Variants in LHPP observed in about 807,000 individuals in gnomAD.
LHPP encodes hLHPP.
A neutral mutation model predicts 30.3 loss-of-function variants in LHPP; 24 were observed. That is an observed-to-expected ratio of 0.79 (90% CI 0.57 to 1.11). The LOEUF is 1.11. LHPP is among the 50% of genes most tolerant of loss of function. The probability of loss-of-function intolerance (pLI) is 0.00; values close to 1 mark genes in which losing one functional copy is unlikely to be tolerated. For missense variants in LHPP, 356 were observed against 367.2 expected (o/e 0.97, Z 0.25); for synonymous variants, 150 against 157.1 (o/e 0.95, Z 0.34).
chr10:124,530,490 C>T (rs1954869499), intron 6 of LHPP, among the ~76,000 whole-genome samples: 1 of 151,930 alleles, frequency 6.6e-6, no homozygotes, highest in Admixed American at 6.5e-5. Flanking sequence ...GGCCACACAT[C>T]CACAGGTGCC....
In LHPP at chr10:124,613,455, G is replaced by A; in HGVS notation, c.*95G>A. 1.3e-6 allele frequency: 1 copy of A among 799,842 alleles called. No individual in the cohort carries two copies. The highest frequency in any genetic ancestry group is 2.0e-6 in the Non-Finnish European group (1 of 500,302). The allele number at this position is 799,842 out of a possible 1,614,324, so 49.5% of individuals were successfully genotyped here. A position where few individuals can be genotyped will look rare whatever the true frequency, so the allele number is the denominator to read the frequency against. ...GCCTCTCCTCCACCCGCCCAGGAGA[G>A]CCCCACCTCCTCCACCCCTGCCTCT... On this transcript the variant is annotated 3_prime_UTR_variant, in exon 7 of 7. Transcript: ENST00000368842.
rs1157083047 is a variant in LHPP, at chr10:124,576,026, G to GT, written c.717-37238_717-37237insT. Reference sequence around the variant, plus strand: ...ATACATACTAATCAGTGCTTCATGAGAAAGGTATGAGCCGAAAGAAATGGG... The same window carrying GT: ...ATACATACTAATCAGTGCTTCATGAGTAAAGGTATGAGCCGAAAGAAATGGG... On this transcript the variant is annotated intron_variant, in intron 6 of 6. Coordinates refer to ENST00000368842, the MANE Select transcript of LHPP (RefSeq NM_022126.4). This position sits in a 1 kb window ranked among gnomAD's most constrained non-coding sequence, Gnocchi z 4.2. Among the ~76,000 whole-genome samples, 1 of 152,162 alleles carries GT rather than the reference G, an allele frequency of 6.6e-6. No homozygotes were observed. The highest frequency in any genetic ancestry group is 1.5e-5 in the Non-Finnish European group (1 of 68,022).
At chr10:124,493,131 A>AC (rs1953583338) in intron 3 of LHPP, among the ~76,000 whole-genome samples, 5 of 151,208 alleles carry the variant, frequency 3.3e-5, no homozygotes, top group East Asian at 2.0e-4. Flanking sequence ...AAAAAAAAAA[A>AC]CCGGAAGCAG....
intron 1 of LHPP, among the ~76,000 whole-genome samples, chr10:124,466,115 CTG>C: frequency 6.6e-6 from 1 of 152,276 alleles, no homozygotes; most frequent in Non-Finnish European, 1.5e-5. Flanking sequence ...TAGCAAAAGA[CTG>C]GAAGCAGCTC....
At chr10:124,519,032 C>A (rs1330545405) in intron 6 of LHPP, among the ~76,000 whole-genome samples, 1 of 152,170 alleles carries the variant, frequency 6.6e-6, no homozygotes, top group Non-Finnish European at 1.5e-5. Flanking sequence ...ACTGCAACCT[C>A]CGCCTCCCAG....
Position 124,497,007 on chromosome 10 carries a change from T to A in LHPP, c.514T>A (p.Tyr172Asn). 6.2e-7 allele frequency: 1 copy of A among 1,614,036 alleles called. No homozygotes were observed. Among genetic ancestry groups the A allele is most frequent in the Non-Finnish European group, 8.5e-7 (1 of 1,179,900 alleles). The change falls in exon 4 of 7, where the codon TAC (tyrosine) becomes AAC (asparagine). Residue 172 changes from tyrosine (Y) to asparagine (N), a missense_variant. Coordinates refer to ENST00000368842, the MANE Select transcript of LHPP (RefSeq NM_022126.4). Reference sequence around the variant, plus strand: ...TGGCCTGATGCTGGACGTTGGTCCCTACATGAAGGCGCTTGAGGTACCAGC... The same window carrying A: ...TGGCCTGATGCTGGACGTTGGTCCCAACATGAAGGCGCTTGAGGTACCAGC... ...TSGLMLDVGPYMKALEYACGI... is the reference protein window; with the variant it reads ...TSGLMLDVGPNMKALEYACGI...
At chr10:124,545,453 A>T (rs1341986222) in intron 6 of LHPP, among the ~76,000 whole-genome samples, 1 of 152,182 alleles carries the variant, frequency 6.6e-6, no homozygotes, top group Non-Finnish European at 1.5e-5. Flanking sequence ...ACGGCAGCCC[A>T]TGCACCCAGG....
chr10:124,606,918 C>G (rs1490687951), intron 6 of LHPP, among the ~76,000 whole-genome samples: 3 of 152,254 alleles, frequency 2.0e-5, no homozygotes, highest in Non-Finnish European at 2.9e-5. Flanking sequence ...TGTCCCCTCC[C>G]TCCATGTGTC....
At chr10:124,612,903 C>T (rs1419110492) in intron 6 of LHPP, 2 of 280,078 alleles carry the variant, frequency 7.1e-6, no homozygotes, top group Non-Finnish European at 6.9e-6. Context: ...GTGGGGTGAG[C>T]CCCTGGGGAG....
At chr10:124,555,870 T>G (rs1472185445) in intron 6 of LHPP, among the ~76,000 whole-genome samples, 1 of 152,216 alleles carries the variant, frequency 6.6e-6, no homozygotes, top group Admixed American at 6.5e-5. Flanking sequence ...GTTACCTTGC[T>G]GAACCTGCAC....
chr10:124,567,935 A>G (rs1948518920), intron 6 of LHPP, among the ~76,000 whole-genome samples: 1 of 152,176 alleles, frequency 6.6e-6, no homozygotes, highest in Non-Finnish European at 1.5e-5. Flanking sequence ...CCTTTTTAAG[A>G]TGGAGTCTCG....
intron 6 of LHPP, among the ~76,000 whole-genome samples, chr10:124,578,747 C>G (rs1340579594): frequency 6.6e-6 from 1 of 152,240 alleles, no homozygotes; most frequent in Non-Finnish European, 1.5e-5. Flanking sequence ...TGAGCAGCAT[C>G]TCTGCCCTCC....
In LHPP at chr10:124,588,298, C is replaced by CTTTTTTTTTTTTTTTTTT. The variant is rs55633265; in HGVS notation, c.717-24955_717-24954insTTTTTTTTTTTTTTTTTT. ...ACTTATGCTTTTACTTTTTTCTCTT[C>CTTTTTTTTTTTTTTTTTT]TTTTTTTTTTTAAGACTGAGTCTTG... On this transcript the variant is annotated intron_variant, in intron 6 of 6. Coordinates refer to ENST00000368842, the MANE Select transcript of LHPP (RefSeq NM_022126.4). Among the ~76,000 whole-genome samples the CTTTTTTTTTTTTTTTTTT allele has an allele frequency of 1.4e-4, 20 of 146,976 alleles. 1 individual carries two copies. Among genetic ancestry groups the CTTTTTTTTTTTTTTTTTT allele is most frequent in the African/African-American group, 4.9e-4 (19 of 39,094 alleles).
At chr10:124,462,060 G>C in intron 1 of LHPP, 73 bp downstream of exon 1, 1 of 1,164,336 alleles carries the variant, frequency 8.6e-7, no homozygotes, top group Non-Finnish European at 1.1e-6. Context: ...GCCGGCAGGG[G>C]GCGGGGCGGC....
intron 1 of LHPP, among the ~76,000 whole-genome samples, chr10:124,467,519 C>CTTTTT (rs112628606): frequency 7.3e-6 from 1 of 136,646 alleles, no homozygotes; most frequent in Admixed American, 7.4e-5. Context: ...TTTTCTTTTT[C>CTTTTT]TTTTTTTTTT....
chr10:124,602,908 C>A (rs575378195), intron 6 of LHPP, among the ~76,000 whole-genome samples: 10 of 152,336 alleles, frequency 6.6e-5, no homozygotes, highest in African/African-American at 1.4e-4. Context: ...CATGTGCACA[C>A]AGGGAAGATG....
intron 6 of LHPP, among the ~76,000 whole-genome samples, chr10:124,569,521 A>T (rs10794151): frequency 0.25 from 37,510 of 152,142 alleles, 5,155 homozygotes; most frequent in East Asian, 0.31. Context: ...TGGAAAAGGC[A>T]AACGGGAACG....
chr10:124,527,571 G>A (rs11245260), intron 6 of LHPP, among the ~76,000 whole-genome samples: 82,461 of 151,968 alleles, frequency 0.54, 23,451 homozygotes, highest in African/African-American at 0.71. Flanking sequence ...GCCCAGCCTG[G>A]TAGCCCCGGG....
intron 1 of LHPP, among the ~76,000 whole-genome samples, chr10:124,477,660 G>A (rs1264623298): frequency 2.6e-5 from 4 of 152,310 alleles, no homozygotes; most frequent in South Asian, 2.1e-4. Flanking sequence ...TACTGTGCCC[G>A]GTAGATTTTG....
Sources: allele counts gnomAD v4.1 joint callset (sites outside exome capture counted in the v4.1 genomes callset), GRCh38; gene constraint gnomAD v4.1.1; non-coding constraint Gnocchi (gnomAD v3.1); transcripts MANE v1.5; gene names NCBI Gene and HGNC (gene_info 2026-07-23, HGNC 2026-07-21).